The following GPI variants were observed in gnomAD, a reference collection of about 807,000 sequenced individuals.
The protein encoded by GPI is glucose-6-phosphate isomerase.
A neutral mutation model predicts 75.8 loss-of-function variants in GPI; 56 were observed. The ratio of observed to expected loss-of-function variants is 0.74; its 90% CI spans 0.60 to 0.92. The LOEUF (loss-of-function observed/expected upper bound fraction) is 0.92, where lower values mean the gene tolerates loss of function less well. Among genes scored for constraint, GPI ranks in the 40% least tolerant of loss-of-function variants. The probability of loss-of-function intolerance (pLI) is 0.00; values close to 1 mark genes in which losing one functional copy is unlikely to be tolerated. For synonymous variants in GPI, 288 were observed against 285.4 expected (o/e 1.01, Z -0.09); for missense variants, 638 against 741.0 (o/e 0.86, Z 1.61).
intron 4 of GPI, among the ~76,000 whole-genome samples, chr19:34,372,640 G>A (rs1019303540): frequency 2.0e-5 from 3 of 152,112 alleles, no homozygotes; most frequent in African/African-American, 7.2e-5. Flanking sequence ...AGACCCTGTC[G>A]TTAAAACAAA....
intron 12 of GPI, among the ~76,000 whole-genome samples, chr19:34,394,389 A>G (rs1599854365): frequency 1.0e-5 from 1 of 96,728 alleles, no homozygotes; most frequent in African/African-American, 4.0e-5. Context: ...TGCCTACCAT[A>G]GTGTCTGAGG....
At chr19:34,365,179 G>GCGCGCCCA (rs2074337144), upstream of GPI, 3 of 1,286,016 alleles carry the variant, frequency 2.3e-6, no homozygotes, top group Non-Finnish European at 2.9e-6. Flanking sequence ...AAAGGCCGCC[G>GCGCGCCCA]CGCGCCCACG....
At chr19:34,383,623 A>G (rs2074688519) in intron 9 of GPI, among the ~76,000 whole-genome samples, 1 of 152,162 alleles carries the variant, frequency 6.6e-6, no homozygotes, top group Non-Finnish European at 1.5e-5. Context: ...CTGAAGTCCA[A>G]GTCTGTGGCA....
intron 6 of GPI, 102 bp downstream of exon 6, chr19:34,377,983 G>T: frequency 1.7e-6 from 2 of 1,211,180 alleles, no homozygotes; most frequent in Non-Finnish European, 2.4e-6. Context: ...CTTTTGGTGG[G>T]TTCCGAGTGA....
At chr19:34,367,457 T>C (rs2074384275) in intron 3 of GPI, among the ~76,000 whole-genome samples, 1 of 152,206 alleles carries the variant, frequency 6.6e-6, no homozygotes, top group Non-Finnish European at 1.5e-5. Flanking sequence ...TCTTGCATTG[T>C]GGGTCTAAGC....
intron 1 of GPI, 88 bp downstream of exon 1, chr19:34,365,476 G>A (rs2074346486): frequency 4.6e-6 from 7 of 1,505,618 alleles, no homozygotes; most frequent in Non-Finnish European, 6.2e-6. Context: ...GGGCAGCGGT[G>A]CCCGGGGACC....
At chr19:34,362,814 CAG>C (rs2074308124), upstream of GPI, among the ~76,000 whole-genome samples, 5 of 152,318 alleles carry the variant, frequency 3.3e-5, no homozygotes, top group African/African-American at 1.2e-4. Flanking sequence ...CCATAAAAAG[CAG>C]AGACTTTCTG....
In GPI at chr19:34,393,672, C is replaced by G; in HGVS notation, c.866-56C>G. 1 of 1,549,922 alleles carries G rather than the reference C, an allele frequency of 6.5e-7. No individual in the cohort carries two copies. Among genetic ancestry groups the G allele is most frequent in the Middle Eastern group, 1.7e-4 (1 of 5,970 alleles). On this transcript the variant is annotated intron_variant, in intron 10 of 17. Transcript: ENST00000356487. The surrounding 1 kb of genome is among the most constrained non-coding windows in gnomAD (Gnocchi z 4.4). Reference sequence around the variant, plus strand: ...TTCGTTGCAGAAGGAGCTGTGCCCACTGCCCACAGGACGCAGGGTGTGGCC... The same window carrying G: ...TTCGTTGCAGAAGGAGCTGTGCCCAGTGCCCACAGGACGCAGGGTGTGGCC...
intron 14 of GPI, chr19:34,398,968 G>A (rs1055896174): frequency 5.2e-6 from 2 of 382,634 alleles, no homozygotes; most frequent in Non-Finnish European, 9.9e-6. Flanking sequence ...GCCTCCCAAA[G>A]TGTCGGGATT....
intron 9 of GPI, among the ~76,000 whole-genome samples, chr19:34,386,617 G>A (rs200184993): frequency 3.9e-5 from 6 of 152,204 alleles, no homozygotes; most frequent in Non-Finnish European, 7.3e-5. Context: ...TGTATAGAGC[G>A]GCCTCCCAGG....
intron 9 of GPI, among the ~76,000 whole-genome samples, chr19:34,384,576 A>G (rs2074704141): frequency 1.3e-5 from 2 of 152,230 alleles, no homozygotes; most frequent in African/African-American, 4.8e-5. Context: ...GAACGGATCT[A>G]TCAGGTGAGG....
chr19:34,386,643 G>C (rs1048742129), intron 9 of GPI, among the ~76,000 whole-genome samples: 2 of 152,182 alleles, frequency 1.3e-5, no homozygotes, highest in Non-Finnish European at 2.9e-5. Flanking sequence ...CCCATAGCAT[G>C]GGGGTCTCTA....
chr19:34,362,909 T>C (rs2074308624), upstream of GPI, among the ~76,000 whole-genome samples: 1 of 152,050 alleles, frequency 6.6e-6, no homozygotes, highest in Non-Finnish European at 1.5e-5. Flanking sequence ...CAGGCAGGGG[T>C]AGAAACACGG....
rs2074889340 is a variant in GPI, at chr19:34,393,094, T to TG, written c.805-153dup. 1 of 699,158 alleles carries TG rather than the reference T, an allele frequency of 1.4e-6. No individual in the cohort carries two copies. The highest frequency in any genetic ancestry group is 2.0e-5 in the Admixed American group (1 of 50,158). The allele number at this position is 699,158 out of a possible 1,614,324, so 43.3% of individuals were successfully genotyped here. On this transcript the variant is annotated intron_variant, in intron 9 of 17. Transcript: ENST00000356487. The surrounding 1 kb of genome is among the most constrained non-coding windows in gnomAD (Gnocchi z 4.4). ...CTGCCCTGTTGGTCTTCCCATGTGT[T>TG]GCCAGCACCTGCCTGCTGCCTTGCT...
At chr19:34,371,891 A>T (rs1312520627) in intron 4 of GPI, among the ~76,000 whole-genome samples, 1 of 150,284 alleles carries the variant, frequency 6.7e-6, no homozygotes, top group African/African-American at 2.4e-5. Flanking sequence ...TTCCTCTGGG[A>T]TGCTTCATTA....
At position 34,365,401 on chromosome 19, in the gene GPI, C is replaced by T. The variant is rs1412632091; in HGVS notation, c.122+13C>T. On this transcript the variant is annotated intron_variant, in intron 1 of 17. Transcript: ENST00000356487. The stretch of plus-strand genomic sequence containing the variant: ...TCAACCACTTCAGGTGCGGGCGGGC[C>T]GGAGGCGGGGGCTGCCACGCGCGGC... 2 of 1,566,614 alleles carry T rather than the reference C, an allele frequency of 1.3e-6. No individual in the cohort carries two copies. Among genetic ancestry groups the T allele is most frequent in the Non-Finnish European group, 1.7e-6 (2 of 1,161,054 alleles).
intron 4 of GPI, 27 bp from the exon 5 acceptor site, chr19:34,377,475 GC>G (rs1208736158): frequency 6.5e-7 from 1 of 1,549,532 alleles, no homozygotes. Flanking sequence ...GGGGGTTTGG[GC>G]TGATGGCATC....
chr19:34,399,648 A>G lies in GPI; in HGVS notation c.1474+17A>G. 1.9e-6 allele frequency: 3 copies of G among 1,614,004 alleles called. No individual in the cohort carries two copies. Among genetic ancestry groups the G allele is most frequent in the South Asian group, 1.1e-5 (1 of 91,062 alleles). On this transcript the variant is annotated intron_variant, in intron 16 of 17. Transcript: ENST00000356487. ...CCTTGGTCGGTGAGTGAGTAGGGGA[A>G]AGGTCCTGGCTTGGGGTAGGTTGGA...
intron 9 of GPI, chr19:34,392,435 C>G (rs79597135): frequency 2.6e-5 from 2 of 77,360 alleles, no homozygotes; most frequent in Non-Finnish European, 5.1e-5. Flanking sequence ...CTGTCAGTGT[C>G]TGAAGTGGTT....
Sources: allele counts gnomAD v4.1 joint callset (sites outside exome capture counted in the v4.1 genomes callset), GRCh38; gene constraint gnomAD v4.1.1; non-coding constraint Gnocchi (gnomAD v3.1); transcripts MANE v1.5; gene names NCBI Gene and HGNC (gene_info 2026-07-23, HGNC 2026-07-21).